The following SPG7 variants were observed in gnomAD, a reference collection of about 807,000 sequenced individuals.
The protein encoded by SPG7 is SPG7 matrix AAA peptidase subunit, paraplegin, also known as mitochondrial inner membrane m-AAA protease component paraplegin.
SPG7 carries 103 observed loss-of-function variants against 81.9 expected under a neutral mutation model. That is an observed-to-expected ratio of 1.26 (90% CI 1.07 to 1.48). SPG7 has a LOEUF of 1.48. Ranked by LOEUF, SPG7 falls within the 40% of genes most tolerant of loss-of-function variation. SPG7 has a pLI of 0.00. For missense variants in SPG7, 1,241 were observed against 1,087.3 expected (o/e 1.14, Z -1.99); for synonymous variants, 534 against 444.2 (o/e 1.20, Z -2.54).
At chr16:89,528,603 CTT>C (rs199905330) in intron 5 of SPG7, 2,650 of 113,488 alleles carry the variant, frequency 0.023, 116 homozygotes, top group African/African-American at 0.081. Context: ...CTGGGATTTG[CTT>C]TTTTTTTTTT....
At chr16:89,537,255 G>T (rs530963588) in intron 9 of SPG7, 6 of 1,387,500 alleles carry the variant, frequency 4.3e-6, no homozygotes, top group Non-Finnish European at 5.6e-6. Flanking sequence ...TACGTCAGCC[G>T]GTCCATGGCG....
intron 3 of SPG7, chr16:89,516,958 C>T (rs1184250476): frequency 2.6e-5 from 4 of 152,172 alleles, no homozygotes; most frequent in African/African-American, 9.7e-5. Context: ...AATATATTTC[C>T]TATTTATGCA....
rs1355787671 is a variant in SPG7, at chr16:89,536,479, GGTGAGGTCAGGTGAGGCAGGTGA to G, written c.1324+3845_1324+3867del. 4.7e-4 allele frequency among the ~76,000 whole-genome samples: 65 copies of G among 139,024 alleles called. 4 individuals carry two copies. Among genetic ancestry groups the G allele is most frequent in the East Asian group, 1.7e-3 (8 of 4,724 alleles). The allele number at this position is 139,024 out of a possible 152,430, so 91.2% of individuals were successfully genotyped here. A position where few individuals can be genotyped will look rare whatever the true frequency, so the allele number is the denominator to read the frequency against. On this transcript the variant is annotated intron_variant, in intron 9 of 16. Coordinates refer to ENST00000645818, the MANE Select transcript of SPG7 (RefSeq NM_003119.4). ...TGAGGCGGGTGAGGCGGGTGAGGCG[GGTGAGGTCAGGTGAGGCAGGTGA>G]GGTGAGGCGGGTGAGGTCAGGTGAG...
chr16:89,523,576 G>T, intron 3 of SPG7: 1 of 400,606 alleles, frequency 2.5e-6, no homozygotes, highest in Non-Finnish European at 5.0e-6. Context: ...GGCTCGGACG[G>T]CCTGGGACGG....
At position 89,550,438 on chromosome 16, in the gene SPG7, G is replaced by A. The variant is rs925946960; in HGVS notation, c.1664-56G>A. 4.2e-5 allele frequency: 53 copies of A among 1,272,744 alleles called. No individual in the cohort carries two copies. The African/African-American group carries it at 4.2e-4, about 10-fold the overall frequency. 78.8% of individuals were successfully genotyped at this position (1,272,744 alleles called of 1,614,324 possible). ...TCCGCCCGCCTTGGCCTCCCACAGC[G>A]CTGGGATTACAGGCGTGAGCCACCG... is the stretch of plus-strand genomic sequence containing the variant. On this transcript the variant is annotated intron_variant, in intron 12 of 16. Transcript: ENST00000645818.
chr16:89,530,652 C>T (rs773320562), intron 6 of SPG7, 31 bp from the exon 7 acceptor site: 29 of 1,613,880 alleles, frequency 1.8e-5, no homozygotes, highest in Non-Finnish European at 2.4e-5. Flanking sequence ...TGACTTCGCC[C>T]AGCTCCTTGC....
intron 7 of SPG7, 38 bp from the exon 8 acceptor site, chr16:89,531,866 C>T: frequency 6.2e-7 from 1 of 1,612,376 alleles, no homozygotes; most frequent in Non-Finnish European, 8.5e-7. Context: ...AAACGGAATC[C>T]CCAAGTAGTT....
chr16:89,546,581 CCCA>C, intron 10 of SPG7, 74 bp from the exon 11 acceptor site: 3 of 968,146 alleles, frequency 3.1e-6, no homozygotes, highest in African/African-American at 3.2e-5. Flanking sequence ...ACCCCCCCCC[CCCA>C]CAGACAAACA....
chr16:89,523,827 A>G (rs1257403638), intron 3 of SPG7, 179 bp from the exon 4 acceptor site: 2 of 840,554 alleles, frequency 2.4e-6, no homozygotes, highest in Non-Finnish European at 3.9e-6. Context: ...GACCTCGAAC[A>G]GCACAGCGTT....
At chr16:89,515,239 G>T (rs887751683) in intron 3 of SPG7, among the ~76,000 whole-genome samples, 1 of 121,364 alleles carries the variant, frequency 8.2e-6, no homozygotes, top group African/African-American at 2.8e-5. Context: ...CCCAGCCCTG[G>T]ACCTTTTTTT....
In SPG7 at chr16:89,508,520, G is replaced by A; in HGVS notation, c.103G>A (p.Ala35Thr). Residue 35 changes from alanine (A) to threonine (T), a missense_variant, in exon 1 of 17, where the codon GCC (alanine) becomes ACC (threonine). By Grantham distance (58) the Ala-to-Thr change is moderately conservative. Coordinates refer to ENST00000645818, the MANE Select transcript of SPG7 (RefSeq NM_003119.4). ...PGPAWSPGFP[A>T]RPGRGRPYMA... ...CCCGGCCTGGAGTCCAGGGTTCCCC[G>A]CCAGGCCCGGGAGGGGGCGGCCGTA... 2 of 1,513,894 alleles carry A rather than the reference G, an allele frequency of 1.3e-6. No individual in the cohort carries two copies. Among genetic ancestry groups the A allele is most frequent in the Middle Eastern group, 2.3e-4 (1 of 4,332 alleles). 93.8% of individuals were successfully genotyped at this position (1,513,894 alleles called of 1,614,324 possible). A position where few individuals can be genotyped will look rare whatever the true frequency, so the allele number is the denominator to read the frequency against.
chr16:89,508,395 G>C (rs1486254340), upstream of SPG7: 64 of 1,468,312 alleles, frequency 4.4e-5, no homozygotes, highest in Non-Finnish European at 5.6e-5. Flanking sequence ...CGCGGATCAC[G>C]CAGGCGCGGC....
rs1364135953 is a variant in SPG7, at chr16:89,543,688, C to A, written c.1325-960C>A. 3.4e-5 allele frequency: 5 copies of A among 147,268 alleles called. No homozygotes were observed. The Admixed American group carries it at 3.4e-4, about 10-fold the overall frequency. 9.1% of individuals were successfully genotyped at this position (147,268 alleles called of 1,614,324 possible). ...TTTTTTTTCCTGACGGAGTCTTGCC[C>A]TGTAGCCCAGGCTGGAGTGCAGTGG... On this transcript the variant is annotated intron_variant, in intron 9 of 16. Transcript: ENST00000645818.
At chr16:89,550,816 G>A (rs1018231940) in intron 13 of SPG7, among the ~76,000 whole-genome samples, 8 of 152,352 alleles carry the variant, frequency 5.3e-5, no homozygotes, top group African/African-American at 1.9e-4. Flanking sequence ...GCGGGAACTC[G>A]GACGTGGGAG....
At chr16:89,529,441 G>T (rs373459287) in intron 5 of SPG7, 36 bp from the exon 6 acceptor site, 5 of 1,425,262 alleles carry the variant, frequency 3.5e-6, no homozygotes, top group South Asian at 1.2e-5. Flanking sequence ...ACGTGACACC[G>T]TCTGAGCCTG....
rs745459731 is a variant in SPG7, at chr16:89,532,487, G to A, written c.1175G>A (p.Ser392Asn). Residue 392 changes from serine (S) to asparagine (N), a missense_variant, in exon 9 of 17, where the codon AGC becomes AAC. Coordinates refer to ENST00000645818, the MANE Select transcript of SPG7 (RefSeq NM_003119.4). ...GGCCTCGGCGCTGCCCGTGTGCGGA[G>A]CCTCTTTAAGGAAGCCCGAGCCCGG... ...IGGLGAARVR[S>N]LFKEARARAP... 1.9e-6 allele frequency: 3 copies of A among 1,613,558 alleles called. No homozygotes were observed. The highest frequency in any genetic ancestry group is 1.1e-5 in the South Asian group (1 of 91,086).
intron 10 of SPG7, chr16:89,545,545 G>C (rs183402664): frequency 4.8e-6 from 1 of 208,128 alleles, no homozygotes. Context: ...TTCTCCAGGG[G>C]ACATGGCTTC....
At chr16:89,529,892 T>G (rs112592929) in intron 6 of SPG7, 1 of 390,530 alleles carries the variant, frequency 2.6e-6, no homozygotes. Context: ...CAGGCTGGAG[T>G]GCAGCCGTGC....
intron 3 of SPG7, among the ~76,000 whole-genome samples, chr16:89,515,856 C>T (rs977785993): frequency 2.0e-5 from 3 of 150,258 alleles, no homozygotes; most frequent in African/African-American, 7.4e-5. Context: ...TACAGGCGTG[C>T]GCCACCACGC....
Sources: allele counts gnomAD v4.1 joint callset (sites outside exome capture counted in the v4.1 genomes callset), GRCh38; gene constraint gnomAD v4.1.1; transcripts MANE v1.5; gene names NCBI Gene and HGNC (gene_info 2026-07-23, HGNC 2026-07-21).